The following CACNA2D1 variants were observed in gnomAD, a reference collection of about 807,000 sequenced individuals.
CACNA2D1 encodes calcium voltage-gated channel auxiliary subunit alpha2delta 1.
In CACNA2D1, 53 loss-of-function variants were observed where a neutral mutation model predicts 171.5. The observed-to-expected ratio is 0.31, with a 90% CI of 0.25 to 0.39. The LOEUF is 0.39. CACNA2D1 is among the 10% of genes least tolerant of loss of function. The probability of loss-of-function intolerance (pLI) is 1.00; values close to 1 mark genes in which losing one functional copy is unlikely to be tolerated. For synonymous variants in CACNA2D1, 442 were observed against 443.1 expected (o/e 1.00, Z 0.03); for missense variants, 903 against 1,299.8 (o/e 0.69, Z 4.69).
chr7:82,279,275 C>T (rs1809765976), intron 3 of CACNA2D1, among the ~76,000 whole-genome samples: 1 of 152,152 alleles, frequency 6.6e-6, no homozygotes, highest in African/African-American at 2.4e-5. Flanking sequence ...TTTCAGGCTG[C>T]AATGCATCCA....
At position 81,947,148 on chromosome 7, in the gene CACNA2D1, CACAG is replaced by C. The variant is rs902324054; in HGVS notation, c.*3240_*3243del. The C allele has an allele frequency of 4.6e-5, 7 of 151,834 alleles. No individual in the cohort carries two copies. The highest frequency in any genetic ancestry group is 1.2e-4 in the African/African-American group (5 of 41,452). The allele number at this position is 151,834 out of a possible 1,614,324, so 9.4% of individuals were successfully genotyped here. ...AGACAAAATCTTAAGCTTTGTTGGTCACAGACAAAGATTTAAATGAGATTTAAAA... is the reference window on the plus strand; with the variant it reads ...AGACAAAATCTTAAGCTTTGTTGGTCACAAAGATTTAAATGAGATTTAAAA... On this transcript the variant is annotated 3_prime_UTR_variant, in exon 39 of 39. Transcript: ENST00000356860.
At chr7:82,246,955 C>T (rs1805000374) in intron 3 of CACNA2D1, among the ~76,000 whole-genome samples, 1 of 152,044 alleles carries the variant, frequency 6.6e-6, no homozygotes, top group South Asian at 2.1e-4. Context: ...TTCTCCAGGT[C>T]CATTGCTTAT....
chr7:82,211,583 C>T (rs572572302), intron 3 of CACNA2D1, among the ~76,000 whole-genome samples: 11 of 151,914 alleles, frequency 7.2e-5, no homozygotes, highest in African/African-American at 1.2e-4. Flanking sequence ...TGTAGATTTA[C>T]CACATTTTCT....
At chr7:82,221,963 A>G (rs1250718852) in intron 3 of CACNA2D1, among the ~76,000 whole-genome samples, 1 of 152,086 alleles carries the variant, frequency 6.6e-6, no homozygotes, top group Non-Finnish European at 1.5e-5. Context: ...TGAAAAAAAA[A>G]AAGAGCTTCC....
At position 82,443,515 on chromosome 7, in the gene CACNA2D1, CT is replaced by C; in HGVS notation, c.-57del. On this transcript the variant is annotated 5_prime_UTR_variant, in exon 1 of 39. Coordinates refer to ENST00000356860, the MANE Select transcript of CACNA2D1 (RefSeq NM_000722.4). The stretch of plus-strand genomic sequence containing the variant: ...TGCCCAAGCGGGGGAAGGAGCGGCG[CT>C]GGAAACCGCGGGCGGAGGAAGAGCA... 1 of 1,583,806 alleles carries C rather than the reference CT, an allele frequency of 6.3e-7. No individual in the cohort carries two copies. Among genetic ancestry groups the C allele is most frequent in the Non-Finnish European group, 8.6e-7 (1 of 1,165,746 alleles).
At chr7:82,281,637 C>G (rs1364195358) in intron 3 of CACNA2D1, among the ~76,000 whole-genome samples, 1 of 151,980 alleles carries the variant, frequency 6.6e-6, no homozygotes, top group East Asian at 1.9e-4. Context: ...ACAAATATTT[C>G]TATTAAAAAA....
In CACNA2D1 at chr7:82,005,849, G is replaced by T; in HGVS notation, c.1441-10C>A. 1 of 1,571,754 alleles carries T rather than the reference G, an allele frequency of 6.4e-7. No homozygotes were observed. Among genetic ancestry groups the T allele is most frequent in the East Asian group, 2.2e-5 (1 of 44,504 alleles). On this transcript the variant is annotated splice_polypyrimidine_tract_variant and intron_variant, in intron 16 of 38. Coordinates refer to ENST00000356860, the MANE Select transcript of CACNA2D1 (RefSeq NM_000722.4). ...CAAGAATCAGCTGGTTCTATAATAA[G>T]AGGGCAAAAAATGGCATTTTATGTC...
chr7:82,283,687 A>G (rs1380166723), intron 3 of CACNA2D1, among the ~76,000 whole-genome samples: 1 of 152,164 alleles, frequency 6.6e-6, no homozygotes, highest in African/African-American at 2.4e-5. Context: ...TTAGTAACAT[A>G]AGGTCACACA....
intron 3 of CACNA2D1, among the ~76,000 whole-genome samples, chr7:82,229,543 T>C (rs1802684417): frequency 6.6e-6 from 1 of 152,014 alleles, no homozygotes; most frequent in Admixed American, 6.6e-5. Context: ...AACCAGAAAA[T>C]CTAATATGCT....
intron 3 of CACNA2D1, among the ~76,000 whole-genome samples, chr7:82,231,185 T>C (rs996888564): frequency 2.0e-5 from 3 of 152,220 alleles, no homozygotes; most frequent in African/African-American, 7.2e-5. Context: ...CAGGGAAGGC[T>C]GGAAAGGGCT....
Position 82,024,983 on chromosome 7 carries a change from C to G in CACNA2D1, c.1143+7814G>C, listed in dbSNP as rs550536767. Among the ~76,000 whole-genome samples, 3 of 151,650 alleles carry G rather than the reference C, an allele frequency of 2.0e-5. No homozygotes were observed. The South Asian group carries it at 6.2e-4, about 31-fold the overall frequency. ...TGGAGTTATTTCTGGGATCTCTATT[C>G]TGTTCCAAAGGTCTAAATGTCTGTC... On this transcript the variant is annotated intron_variant, in intron 12 of 38. Coordinates refer to ENST00000356860, the MANE Select transcript of CACNA2D1 (RefSeq NM_000722.4).
chr7:82,062,200 A>G (rs1449439975), intron 9 of CACNA2D1, among the ~76,000 whole-genome samples: 1 of 152,178 alleles, frequency 6.6e-6, no homozygotes, highest in Non-Finnish European at 1.5e-5. Flanking sequence ...ATGAGCAGCC[A>G]ATCAGCCTGT....
At chr7:82,105,743 C>G (rs1787683281) in intron 6 of CACNA2D1, among the ~76,000 whole-genome samples, 2 of 152,098 alleles carry the variant, frequency 1.3e-5, no homozygotes, top group South Asian at 4.1e-4. Flanking sequence ...TCTTCACAGA[C>G]TTGGAAGTGT....
intron 18 of CACNA2D1, among the ~76,000 whole-genome samples, chr7:82,003,986 C>T (rs1798877687): frequency 1.3e-5 from 2 of 152,166 alleles, no homozygotes; most frequent in African/African-American, 4.8e-5. Context: ...CTCAGGTGAT[C>T]TGCCCGCCTG....
At chr7:82,211,393 T>C (rs1563206434) in intron 3 of CACNA2D1, among the ~76,000 whole-genome samples, 1 of 152,086 alleles carries the variant, frequency 6.6e-6, no homozygotes, top group Non-Finnish European at 1.5e-5. Flanking sequence ...CCTATGTCTA[T>C]TATCCCCGCT....
intron 1 of CACNA2D1, among the ~76,000 whole-genome samples, chr7:82,413,325 C>T (rs1024102363): frequency 6.6e-6 from 1 of 152,172 alleles, no homozygotes; most frequent in Admixed American, 6.5e-5. Flanking sequence ...TATTTCTACT[C>T]ATGCCCTGGT....
At chr7:82,046,002 T>A (rs1202023497) in intron 10 of CACNA2D1, among the ~76,000 whole-genome samples, 1 of 152,192 alleles carries the variant, frequency 6.6e-6, no homozygotes, top group African/African-American at 2.4e-5. Context: ...GTGATATTCT[T>A]CACAACTGTC....
chr7:82,084,974 AAAT>A, intron 6 of CACNA2D1, 74 bp from the exon 7 acceptor site: 4 of 1,146,820 alleles, frequency 3.5e-6, no homozygotes, highest in Non-Finnish European at 5.2e-6. Context: ...TTTATTTACA[AAAT>A]AATATTAAAT....
chr7:82,239,750 T>C (rs1003656670), intron 3 of CACNA2D1, among the ~76,000 whole-genome samples: 3 of 152,116 alleles, frequency 2.0e-5, no homozygotes, highest in Non-Finnish European at 4.4e-5. Context: ...TCAACTGCAT[T>C]TTCCTGACTA....
Sources: gnomAD v4.1 joint callset for allele counts (sites outside exome capture counted in the v4.1 genomes callset) on GRCh38, gnomAD v4.1.1 for gene constraint, MANE v1.5 for transcripts, NCBI Gene and HGNC (gene_info 2026-07-23, HGNC 2026-07-21) for gene names.